The following SMC5 variants were observed in gnomAD, a reference collection of about 807,000 sequenced individuals.
The protein encoded by SMC5 is structural maintenance of chromosomes protein 5.
Under a neutral mutation model 148.3 loss-of-function variants are expected in SMC5, and 88 were observed. The observed-to-expected ratio is 0.59, with a 90% confidence interval of 0.50 to 0.71. The LOEUF (loss-of-function observed/expected upper bound fraction) is 0.71. Ranked by LOEUF, SMC5 falls within the 30% of genes least tolerant of loss-of-function variation. The pLI, the probability that SMC5 is intolerant of heterozygous loss-of-function variation, is 0.00. For synonymous variants in SMC5, 421 were observed against 432.8 expected (o/e 0.97, Z 0.34); for missense variants, 1,142 against 1,298.9 (o/e 0.88, Z 1.86).
At chr9:70,281,184 G>A (rs547358236) in intron 6 of SMC5, among the ~76,000 whole-genome samples, 1 of 152,074 alleles carries the variant, frequency 6.6e-6, no homozygotes, top group East Asian at 1.9e-4. Flanking sequence ...TTATAGGCAT[G>A]TGCCACCACA....
At chr9:70,349,047 C>T (rs2036739459) in intron 22 of SMC5, among the ~76,000 whole-genome samples, 1 of 150,608 alleles carries the variant, frequency 6.6e-6, no homozygotes, top group South Asian at 2.1e-4. Context: ...AATAGATAAC[C>T]TTTAATTAGT....
chr9:70,275,024 G>T (rs1031425257), intron 3 of SMC5, among the ~76,000 whole-genome samples: 1 of 151,908 alleles, frequency 6.6e-6, no homozygotes, highest in Non-Finnish European at 1.5e-5. Flanking sequence ...TTCTCTCTGG[G>T]ATCACTTTCT....
intron 11 of SMC5, among the ~76,000 whole-genome samples, chr9:70,313,569 C>G (rs117378133): frequency 0.034 from 5,207 of 152,218 alleles, 125 homozygotes; most frequent in Non-Finnish European, 0.054. Context: ...ATGATCTTGG[C>G]TAACTGCAAC....
Position 70,352,293 on chromosome 9 carries a change from AGGC to A in SMC5, c.3276_3278del (p.Arg1094del). On this transcript the variant is annotated inframe_deletion, in exon 25 of 25. Transcript: ENST00000361138. ...CACATGGAATTTAAAGGCTTTCCAA[AGGC>A]GGCGGCGCCGTATTACATTCACTCA... The A allele has an allele frequency of 1.2e-6, 2 of 1,613,242 alleles. No individual in the cohort carries two copies. The highest frequency in any genetic ancestry group is 1.7e-6 in the Non-Finnish European group (2 of 1,179,636).
At position 70,282,467 on chromosome 9, in the gene SMC5, C is replaced by T. The variant is rs774791360; in HGVS notation, c.865C>T (p.Arg289Cys). The change falls in exon 7 of 25, where the codon CGT (arginine) becomes TGT (cysteine). Residue 289 changes from arginine to cysteine, a missense_variant. This residue lies in a region of SMC5 where 743 missense variants were observed against 835.7 expected (regional missense o/e 0.89). Transcript: ENST00000361138. ...RQEYEEVKLV[R>C]DRVKEEVRKL... ...GGAATATGAAGAAGTAAAACTAGTT[C>T]GTGACCGAGTGAAGGAAGAGGTCAG... 3.1e-6 allele frequency: 5 copies of T among 1,604,856 alleles called. No individual in the cohort carries two copies. Among genetic ancestry groups the T allele is most frequent in the South Asian group, 1.1e-5 (1 of 88,166 alleles).
chr9:70,311,364 G>T (rs897498295), intron 11 of SMC5: 2 of 152,154 alleles, frequency 1.3e-5, no homozygotes, highest in African/African-American at 4.8e-5. Flanking sequence ...CAGAACATAT[G>T]CAGCATGTAT....
At chr9:70,345,315 T>G (rs1220793552) in intron 18 of SMC5, among the ~76,000 whole-genome samples, 2 of 152,144 alleles carry the variant, frequency 1.3e-5, no homozygotes, top group Non-Finnish European at 2.9e-5. Context: ...ACAGACATAC[T>G]TCCTTCTCAG....
At position 70,305,256 on chromosome 9, in the gene SMC5, A is replaced by G; in HGVS notation, c.1474A>G (p.Lys492Glu). 1 of 1,502,410 alleles carries G rather than the reference A, an allele frequency of 6.7e-7. No homozygotes were observed. The highest frequency in any genetic ancestry group is 9.2e-7 in the Non-Finnish European group (1 of 1,083,844). The allele number at this position is 1,502,410 out of a possible 1,614,324, so 93.1% of individuals were successfully genotyped here. The change falls in exon 11 of 25, where the codon AAA becomes GAA. Residue 492 changes from lysine to glutamate, a missense_variant. This residue lies in a region of SMC5 where 743 missense variants were observed against 835.7 expected (regional missense o/e 0.89). Transcript: ENST00000361138. Reference protein sequence around the residue: ...CEPIMLTINMKDNKNAKYIEN... With the variant: ...CEPIMLTINMEDNKNAKYIEN... ...TTGCTTGTTTGTTTAGATCAATATG[A>G]AAGATAATAAAAATGCCAAATATAT...
chr9:70,353,788 TA>T lies in SMC5; in HGVS notation c.*1459del, dbSNP rs1328189211. The T allele has an allele frequency of 6.6e-6, 1 of 152,256 alleles. No individual in the cohort carries two copies. Among genetic ancestry groups the T allele is most frequent in the Non-Finnish European group, 1.5e-5 (1 of 68,036 alleles). The allele number at this position is 152,256 out of a possible 1,614,324, so 9.4% of individuals were successfully genotyped here. A position where few individuals can be genotyped will look rare whatever the true frequency, so the allele number is the denominator to read the frequency against. On this transcript the variant is annotated 3_prime_UTR_variant, in exon 25 of 25. Transcript: ENST00000361138. ...AAATATTTTAAAATGACATTTTTAC[TA>T]ATATGAGCAAGTCATGTAAACATTG... is the stretch of plus-strand genomic sequence containing the variant.
At chr9:70,337,704 C>T (rs1013614493) in intron 17 of SMC5, among the ~76,000 whole-genome samples, 3 of 152,054 alleles carry the variant, frequency 2.0e-5, no homozygotes, top group Non-Finnish European at 4.4e-5. Context: ...GATCCACCCG[C>T]CTCGGCCTCC....
At chr9:70,285,002 A>C (rs1236441971) in intron 7 of SMC5, among the ~76,000 whole-genome samples, 1 of 152,002 alleles carries the variant, frequency 6.6e-6, no homozygotes, top group African/African-American at 2.4e-5. Flanking sequence ...CCTTCAGCAA[A>C]TCGTTTAGTC....
chr9:70,304,409 G>A lies in SMC5; in HGVS notation c.1465-838G>A, dbSNP rs578063953. Among the ~76,000 whole-genome samples the A allele has an allele frequency of 1.3e-4, 20 of 152,182 alleles. No homozygotes were observed. In the East Asian group the frequency reaches 2.7e-3, roughly 21 times the overall value. On this transcript the variant is annotated intron_variant, in intron 10 of 24. Coordinates refer to ENST00000361138, the MANE Select transcript of SMC5 (RefSeq NM_015110.4). The stretch of plus-strand genomic sequence containing the variant: ...TGTTTTTAAAATAGATCAATAGGTC[G>A]GGCACAGTGACTCATGCTTATAATC...
intron 11 of SMC5, 85 bp downstream of exon 11, chr9:70,305,445 G>C: frequency 2.6e-6 from 2 of 781,092 alleles, no homozygotes; most frequent in South Asian, 3.2e-5. Flanking sequence ...AGCAAAATGT[G>C]ATAGCTAATT....
chr9:70,264,648 T>C (rs2034227712), intron 2 of SMC5, among the ~76,000 whole-genome samples: 1 of 152,184 alleles, frequency 6.6e-6, no homozygotes, highest in African/African-American at 2.4e-5. Context: ...ATTCTTCAAG[T>C]CTCTTACACC....
rs1022496061 is a variant in SMC5 at position 70,353,367 on chromosome 9, C to T, written c.*1036C>T. ...TCTAGTTTAAACTGTTTTCTTTCAC[C>T]GCAAAAGAATTAAATGGGAAAATCA... On this transcript the variant is annotated 3_prime_UTR_variant, in exon 25 of 25. Transcript: ENST00000361138. 5 of 151,968 alleles carry T rather than the reference C, an allele frequency of 3.3e-5. No individual in the cohort carries two copies. The highest frequency in any genetic ancestry group is 7.3e-5 in the African/African-American group (3 of 41,376). The allele number at this position is 151,968 out of a possible 1,614,324, so 9.4% of individuals were successfully genotyped here.
rs540203590 is a variant in SMC5, at chr9:70,353,271, C to A, written c.*940C>A. 4 of 152,132 alleles carry A rather than the reference C, an allele frequency of 2.6e-5. No homozygotes were observed. Among genetic ancestry groups the A allele is most frequent in the Admixed American group, 2.6e-4 (4 of 15,268 alleles). 9.4% of individuals were successfully genotyped at this position (152,132 alleles called of 1,614,324 possible). On this transcript the variant is annotated 3_prime_UTR_variant, in exon 25 of 25. Coordinates refer to ENST00000361138, the MANE Select transcript of SMC5 (RefSeq NM_015110.4). The stretch of plus-strand genomic sequence containing the variant: ...TGGAAAAGCATTGATTTCTTTAAAA[C>A]CGTAATGTTTTTAGAACTTAAGCCT...
intron 17 of SMC5, among the ~76,000 whole-genome samples, chr9:70,333,097 A>C (rs911787430): frequency 2.6e-5 from 4 of 152,072 alleles, no homozygotes; most frequent in African/African-American, 7.3e-5. Context: ...AGAAAAATTA[A>C]ATGTATTAAA....
intron 8 of SMC5, among the ~76,000 whole-genome samples, chr9:70,290,349 A>G (rs1267933024): frequency 2.6e-5 from 4 of 152,144 alleles, no homozygotes; most frequent in Non-Finnish European, 5.9e-5. Context: ...TTTGGTCCTC[A>G]TTAGCATAAA....
chr9:70,272,386 G>A (rs560226233), intron 3 of SMC5, among the ~76,000 whole-genome samples: 3 of 152,202 alleles, frequency 2.0e-5, no homozygotes, highest in African/African-American at 2.4e-5. Flanking sequence ...GGAACTTTTC[G>A]GAATCAAACA....
Sources: gnomAD v4.1 joint callset for allele counts (sites outside exome capture counted in the v4.1 genomes callset) on GRCh38, gnomAD v4.1.1 for gene constraint, gnomAD v4.1.1 regional missense constraint, MANE v1.5 for transcripts, NCBI Gene and HGNC (gene_info 2026-07-23, HGNC 2026-07-21) for gene names.